The following IGSF21 variants were observed in gnomAD, a reference collection of about 807,000 sequenced individuals.
IGSF21 encodes immunoglobulin superfamily member 21.
IGSF21 carries 28 observed loss-of-function variants against 46.8 expected under a neutral mutation model. That is an observed-to-expected ratio of 0.60 (90% CI 0.44 to 0.82). The LOEUF (loss-of-function observed/expected upper bound fraction) is 0.82, where lower values mean the gene tolerates loss of function less well. Among genes scored for constraint, IGSF21 ranks in the 40% least tolerant of loss-of-function variants. The pLI is 0.00. For missense variants in IGSF21, 624 were observed against 665.5 expected (o/e 0.94, Z 0.69); for synonymous variants, 284 against 273.6 (o/e 1.04, Z -0.38).
At chr1:18,328,393 G>A (rs1226691158) in intron 3 of IGSF21, among the ~76,000 whole-genome samples, 1 of 152,176 alleles carries the variant, frequency 6.6e-6, no homozygotes, top group Non-Finnish European at 1.5e-5. Context: ...ATTGAACCAT[G>A]GAATGGTTGT....
intron 1 of IGSF21, among the ~76,000 whole-genome samples, chr1:18,214,342 C>G (rs2084421459): frequency 6.6e-6 from 1 of 152,166 alleles, no homozygotes; most frequent in Non-Finnish European, 1.5e-5. Flanking sequence ...TGGCCCAGAG[C>G]TGAGCTGACC....
chr1:18,250,131 C>T (rs1368557472), intron 2 of IGSF21, among the ~76,000 whole-genome samples: 1 of 141,590 alleles, frequency 7.1e-6, no homozygotes, highest in African/African-American at 2.6e-5. Context: ...CCCTCCCTCC[C>T]TCTCCTGCTC....
At position 18,271,624 on chromosome 1, in the gene IGSF21, C is replaced by T. The variant is rs570521122; in HGVS notation, c.184-20242C>T. ...TGTGATTCCTCTTGCCCTCCCTCCC[C>T]TAGGCACCCCAGGGAGGCAGGAAAG... On this transcript the variant is annotated intron_variant, in intron 2 of 9. Coordinates refer to ENST00000251296, the MANE Select transcript of IGSF21 (RefSeq NM_032880.5). Among the ~76,000 whole-genome samples the T allele has an allele frequency of 4.1e-4, 62 of 152,330 alleles. 1 individual carries two copies. The South Asian group carries it at 7.7e-3, about 19-fold the overall frequency.
At chr1:18,277,068 T>G (rs962492218) in intron 2 of IGSF21, among the ~76,000 whole-genome samples, 4 of 152,234 alleles carry the variant, frequency 2.6e-5, no homozygotes, top group Non-Finnish European at 5.9e-5. Flanking sequence ...GCCTGTGTTC[T>G]TGTCACCGTA....
chr1:18,163,367 G>A (rs1418595514), intron 1 of IGSF21, among the ~76,000 whole-genome samples: 1 of 152,162 alleles, frequency 6.6e-6, no homozygotes, highest in Non-Finnish European at 1.5e-5. Flanking sequence ...AGTTGCAGAA[G>A]GGATAAAAGA....
At chr1:18,351,981 C>G (rs749243485) in intron 4 of IGSF21, among the ~76,000 whole-genome samples, 45 of 152,192 alleles carry the variant, frequency 3.0e-4, no homozygotes, top group Non-Finnish European at 4.7e-4. Context: ...GGCCTAGAGG[C>G]CTAGGGGGCC....
intron 1 of IGSF21, among the ~76,000 whole-genome samples, chr1:18,145,328 C>T (rs1390893947): frequency 6.6e-6 from 1 of 152,178 alleles, no homozygotes. Flanking sequence ...CCAATTTCCT[C>T]AATTCACACT....
At chr1:18,108,262 G>A (rs1163481162) in intron 1 of IGSF21, 64 bp downstream of exon 1, 2 of 1,304,376 alleles carry the variant, frequency 1.5e-6, no homozygotes, top group African/African-American at 1.6e-5. Context: ...GGTGCCGGGG[G>A]AGGGCGCTGG....
chr1:18,217,564 T>C (rs540886589), intron 1 of IGSF21, among the ~76,000 whole-genome samples: 111 of 152,284 alleles, frequency 7.3e-4, no homozygotes, highest in Non-Finnish European at 2.4e-4. Flanking sequence ...AACTTGAAAA[T>C]GGCCTCAGCC....
chr1:18,212,029 A>G (rs1187496546), intron 1 of IGSF21, among the ~76,000 whole-genome samples: 1 of 152,206 alleles, frequency 6.6e-6, no homozygotes, highest in African/African-American at 2.4e-5. Flanking sequence ...ATGTTCCATA[A>G]GGCAGGCTTG....
chr1:18,354,308 G>A (rs755645233), intron 4 of IGSF21, among the ~76,000 whole-genome samples: 142 of 152,266 alleles, frequency 9.3e-4, no homozygotes, highest in Non-Finnish European at 1.7e-3. Context: ...AAGCAGGGAG[G>A]GCTTCCCAGA....
At chr1:18,249,125 A>G (rs1257378916) in intron 2 of IGSF21, among the ~76,000 whole-genome samples, 1 of 152,204 alleles carries the variant, frequency 6.6e-6, no homozygotes, top group Non-Finnish European at 1.5e-5. Context: ...GGCAGGACCC[A>G]GATCAGGTAT....
At chr1:18,250,619 A>C (rs1250912780) in intron 2 of IGSF21, among the ~76,000 whole-genome samples, 1 of 152,144 alleles carries the variant, frequency 6.6e-6, no homozygotes, top group Non-Finnish European at 1.5e-5. Context: ...ATCGCCAGGT[A>C]GTTAAAGCCA....
chr1:18,134,517 C>T (rs542843016), intron 1 of IGSF21, among the ~76,000 whole-genome samples: 7 of 152,312 alleles, frequency 4.6e-5, no homozygotes, highest in South Asian at 2.1e-4. Flanking sequence ...TCTCCCAGGC[C>T]TCTTATCTGA....
At chr1:18,147,933 GAGTA>G (rs1286453549) in intron 1 of IGSF21, among the ~76,000 whole-genome samples, 1 of 152,054 alleles carries the variant, frequency 6.6e-6, no homozygotes, top group Non-Finnish European at 1.5e-5. Context: ...TCTTGATAAT[GAGTA>G]AGTCTCATGA....
chr1:18,142,481 A>G (rs1262370671), intron 1 of IGSF21, among the ~76,000 whole-genome samples: 1 of 152,126 alleles, frequency 6.6e-6, no homozygotes, highest in Non-Finnish European at 1.5e-5. Flanking sequence ...CCCCCTGCCC[A>G]AAATGAAGAT....
intron 3 of IGSF21, among the ~76,000 whole-genome samples, chr1:18,304,501 A>G (rs538551587): frequency 1.3e-5 from 2 of 152,284 alleles, no homozygotes; most frequent in East Asian, 3.9e-4. Flanking sequence ...GAGACTGTGG[A>G]TGACTTCCGT....
At chr1:18,353,752 A>C (rs2085984965) in intron 4 of IGSF21, among the ~76,000 whole-genome samples, 1 of 152,222 alleles carries the variant, frequency 6.6e-6, no homozygotes, top group Non-Finnish European at 1.5e-5. Flanking sequence ...GAAAGAGCTG[A>C]GTGTGTTCAT....
At position 18,365,999 on chromosome 1, in the gene IGSF21, G is replaced by A. The variant is rs1388112913; in HGVS notation, c.1015+302G>A. On this transcript the variant is annotated intron_variant, in intron 6 of 9. Transcript: ENST00000251296. The surrounding 1 kb of genome is among the most constrained non-coding windows in gnomAD (Gnocchi z 4.8). ...CAGGAGATCAGGGGAGGTCAGAGGA[G>A]TTCCTGGATTAGATCAGGAACATGG... is the stretch of plus-strand genomic sequence containing the variant. 6.6e-6 allele frequency among the ~76,000 whole-genome samples: 1 copy of A among 151,746 alleles called. No homozygotes were observed.
Sources: allele counts gnomAD v4.1 joint callset (sites outside exome capture counted in the v4.1 genomes callset), GRCh38; gene constraint gnomAD v4.1.1; non-coding constraint Gnocchi (gnomAD v3.1); transcripts MANE v1.5; gene names NCBI Gene and HGNC (gene_info 2026-07-23, HGNC 2026-07-21).